FAM13A: variants seen among roughly 807,000 people sequenced by gnomAD.
The protein encoded by FAM13A is protein FAM13A.
FAM13A carries 76 observed loss-of-function variants against 129.6 expected under a neutral mutation model. The ratio of observed to expected loss-of-function variants is 0.59; its 90% CI spans 0.49 to 0.71. FAM13A has a LOEUF of 0.71. Among genes scored for constraint, FAM13A ranks in the 30% least tolerant of loss-of-function variants. The probability of loss-of-function intolerance (pLI) is 0.00; values close to 1 mark genes in which losing one functional copy is unlikely to be tolerated. For missense variants in FAM13A, 1,108 were observed against 1,249.3 expected, an observed-to-expected ratio of 0.89 and a Z score of 1.70; for synonymous variants, 443 against 449.9, an observed-to-expected ratio of 0.98 and a Z score of 0.20.
chr4:88,939,263 T>C (rs937503666), intron 4 of FAM13A, among the ~76,000 whole-genome samples: 2 of 152,134 alleles, frequency 1.3e-5, no homozygotes, highest in Non-Finnish European at 2.9e-5. Flanking sequence ...TAGCTTCTGG[T>C]GGCTGCCAGC....
intron 6 of FAM13A, among the ~76,000 whole-genome samples, chr4:88,886,313 G>C (rs1054121228): frequency 6.6e-6 from 1 of 152,218 alleles, no homozygotes; most frequent in South Asian, 2.1e-4. Context: ...TGGTGGCTGG[G>C]TGTGGTGGCT....
intron 7 of FAM13A, among the ~76,000 whole-genome samples, chr4:88,841,277 C>T (rs1735764759): frequency 6.6e-6 from 1 of 152,062 alleles, no homozygotes; most frequent in Non-Finnish European, 1.5e-5. Context: ...GGGCCAATCA[C>T]AAGGTCAGGA....
In FAM13A at chr4:89,053,491, G is replaced by A. The variant is rs1579950372; in HGVS notation, c.27+3447C>T. Among the ~76,000 whole-genome samples, 3 of 152,150 alleles carry A rather than the reference G, an allele frequency of 2.0e-5. 1 individual carries two copies. Among genetic ancestry groups the A allele is most frequent in the South Asian group, 4.2e-4 (2 of 4,818 alleles). Reference sequence around the variant, plus strand: ...TCCCATGAATGGCATATTTTAATTTGGTATATGACCTTTCTGTAACGCGAC... The same window carrying A: ...TCCCATGAATGGCATATTTTAATTTAGTATATGACCTTTCTGTAACGCGAC... On this transcript the variant is annotated intron_variant, in intron 1 of 23. Coordinates refer to ENST00000264344, the MANE Select transcript of FAM13A (RefSeq NM_014883.4).
chr4:89,024,882 T>C (rs971111861), intron 2 of FAM13A, among the ~76,000 whole-genome samples: 1 of 151,206 alleles, frequency 6.6e-6, no homozygotes, highest in Non-Finnish European at 1.5e-5. Flanking sequence ...TTCAGTAGTA[T>C]GAGGTGTGGG....
intron 4 of FAM13A, among the ~76,000 whole-genome samples, chr4:88,963,400 C>G (rs1461488229): frequency 6.7e-6 from 1 of 148,610 alleles, no homozygotes; most frequent in Non-Finnish European, 1.5e-5. Context: ...CAGGTTCAAG[C>G]GATTCTCATG....
At chr4:88,734,507 C>T (rs932590948) in intron 21 of FAM13A, among the ~76,000 whole-genome samples, 3 of 152,124 alleles carry the variant, frequency 2.0e-5, no homozygotes, top group African/African-American at 7.2e-5. Context: ...ATTCAAGGCC[C>T]TATAATTAGG....
At chr4:88,887,397 G>C (rs538613895) in intron 6 of FAM13A, among the ~76,000 whole-genome samples, 1 of 152,152 alleles carries the variant, frequency 6.6e-6, no homozygotes, top group Non-Finnish European at 1.5e-5. Context: ...TGAGCTCAAG[G>C]ATACATTACT....
chr4:88,756,570 G>A (rs1317920636), intron 14 of FAM13A, among the ~76,000 whole-genome samples: 1 of 152,190 alleles, frequency 6.6e-6, no homozygotes, highest in Admixed American at 6.5e-5. Context: ...ATGGGGGCTT[G>A]TAGGTGGATA....
At chr4:88,827,072 T>C (rs925363145) in intron 7 of FAM13A, among the ~76,000 whole-genome samples, 3 of 152,330 alleles carry the variant, frequency 2.0e-5, no homozygotes, top group African/African-American at 4.8e-5. Flanking sequence ...CTCCATCCCA[T>C]GCCAATGGAC....
At chr4:88,898,631 T>A (rs1258440555) in intron 6 of FAM13A, among the ~76,000 whole-genome samples, 1 of 152,120 alleles carries the variant, frequency 6.6e-6, no homozygotes, top group Non-Finnish European at 1.5e-5. Context: ...AGTAACTTCC[T>A]ATTAAAATCA....
Position 89,056,927 on chromosome 4 carries a change from C to T in FAM13A, c.27+11G>A, listed in dbSNP as rs1346548761. 1 of 1,613,198 alleles carries T rather than the reference C, an allele frequency of 6.2e-7. No homozygotes were observed. Among genetic ancestry groups the T allele is most frequent in the South Asian group, 1.1e-5 (1 of 90,970 alleles). The stretch of plus-strand genomic sequence containing the variant: ...AGTAAACACAGAAGACAGAAGAAGG[C>T]CTATACTTACACAGATGGCTAGAGC... On this transcript the variant is annotated intron_variant, in intron 1 of 23. Transcript: ENST00000264344.
intron 4 of FAM13A, among the ~76,000 whole-genome samples, chr4:88,988,791 G>C (rs1762577349): frequency 6.6e-6 from 1 of 152,120 alleles, no homozygotes; most frequent in African/African-American, 2.4e-5. Flanking sequence ...TAGACAAAAA[G>C]CTCGGCTACT....
intron 6 of FAM13A, among the ~76,000 whole-genome samples, chr4:88,891,480 G>A (rs1040475011): frequency 6.6e-6 from 1 of 152,134 alleles, no homozygotes; most frequent in Non-Finnish European, 1.5e-5. Context: ...CACTTTATTA[G>A]GCTGTACAAC....
chr4:88,949,206 A>T (rs1756503839), intron 4 of FAM13A, among the ~76,000 whole-genome samples: 1 of 152,232 alleles, frequency 6.6e-6, no homozygotes, highest in Non-Finnish European at 1.5e-5. Flanking sequence ...CCTAATAAGT[A>T]AATAAAGAGC....
At chr4:88,769,559 C>T (rs144315741) in intron 11 of FAM13A, among the ~76,000 whole-genome samples, 28 of 152,186 alleles carry the variant, frequency 1.8e-4, no homozygotes, top group Admixed American at 1.6e-3. Context: ...TAATGATGGG[C>T]GTGGTGGCTC....
chr4:88,773,802 G>A (rs1721160384), intron 11 of FAM13A, among the ~76,000 whole-genome samples: 1 of 152,052 alleles, frequency 6.6e-6, no homozygotes, highest in South Asian at 2.1e-4. Flanking sequence ...ACTAGATTCT[G>A]TCAATTATTT....
In FAM13A at chr4:88,730,991, A is replaced by T. The variant is rs571332349; in HGVS notation, c.2945+336T>A. Among the ~76,000 whole-genome samples the T allele has an allele frequency of 3.9e-5, 6 of 152,238 alleles. No homozygotes were observed. The East Asian group carries it at 9.7e-4, about 25-fold the overall frequency. On this transcript the variant is annotated intron_variant, in intron 23 of 23. Coordinates refer to ENST00000264344, the MANE Select transcript of FAM13A (RefSeq NM_014883.4). ...CTAACCTCTAGCTTCTTAAGAAAAA[A>T]GCGTTGGTGCCACCACCAGCGGGAA...
intron 3 of FAM13A, among the ~76,000 whole-genome samples, chr4:89,006,283 C>T (rs770339297): frequency 1.1e-4 from 17 of 152,338 alleles, no homozygotes; most frequent in East Asian, 1.9e-4. Flanking sequence ...TCCAAGGCAA[C>T]TCTTACAGGC....
At chr4:89,044,004 G>A (rs1461541512) in intron 1 of FAM13A, among the ~76,000 whole-genome samples, 1 of 149,280 alleles carries the variant, frequency 6.7e-6, no homozygotes, top group Admixed American at 6.8e-5. Flanking sequence ...AGGCTGAGGT[G>A]GATGGACTGC....
Sources: gnomAD v4.1 joint callset for allele counts (sites outside exome capture counted in the v4.1 genomes callset) on GRCh38, gnomAD v4.1.1 for gene constraint, MANE v1.5 for transcripts, NCBI Gene and HGNC (gene_info 2026-07-23, HGNC 2026-07-21) for gene names.